The following SCNN1B variants were observed in gnomAD, a reference collection of about 807,000 sequenced individuals.
The protein encoded by SCNN1B is sodium channel epithelial 1 subunit beta.
A neutral mutation model predicts 65.3 loss-of-function variants in SCNN1B; 46 were observed. That is an observed-to-expected ratio of 0.70 (90% CI 0.56 to 0.90). SCNN1B has a LOEUF of 0.90. Ranked by LOEUF, SCNN1B falls within the 40% of genes least tolerant of loss-of-function variation. SCNN1B has a pLI of 0.00. For missense variants in SCNN1B, 751 were observed against 830.5 expected (o/e 0.90, Z 1.18); for synonymous variants, 349 against 330.6 (o/e 1.06, Z -0.60).
At chr16:23,292,291 T>C (rs1460115561) in intron 2 of SCNN1B, among the ~76,000 whole-genome samples, 1 of 151,904 alleles carries the variant, frequency 6.6e-6, no homozygotes, top group African/African-American at 2.4e-5. Context: ...CCTACAGGGT[T>C]CATGCCATTC....
chr16:23,374,889 G>A (rs1336390894), intron 7 of SCNN1B, among the ~76,000 whole-genome samples: 1 of 152,018 alleles, frequency 6.6e-6, no homozygotes. Flanking sequence ...GATAGGCAAT[G>A]AAACACCAAG....
Position 23,380,700 on chromosome 16 carries a change from C to A in SCNN1B, c.1822C>A (p.Gln608Lys), listed in dbSNP as rs774190371. The part of the protein sequence containing the change: ...SPNTGPYPSE[Q>K]ALPIPGTPPP... The stretch of plus-strand genomic sequence containing the variant: ...CAACACTGGGCCCTACCCCAGTGAG[C>A]AGGCCCTGCCCATCCCAGGCACCCC... The change falls in exon 13 of 13, where the codon CAG (glutamine) becomes AAG (lysine). Residue 608 changes from glutamine to lysine, a missense_variant. Transcript: ENST00000343070. The surrounding 1 kb of genome is among the most constrained non-coding windows in gnomAD (Gnocchi z 5.4). 4 of 1,612,080 alleles carry A rather than the reference C, an allele frequency of 2.5e-6. No homozygotes were observed. Among genetic ancestry groups the A allele is most frequent in the Non-Finnish European group, 3.4e-6 (4 of 1,179,262 alleles).
chr16:23,327,700 T>C (rs1291073138), intron 1 of SCNN1B, among the ~76,000 whole-genome samples: 3 of 152,162 alleles, frequency 2.0e-5, no homozygotes, highest in Non-Finnish European at 4.4e-5. Context: ...AGAGAGGATT[T>C]AGCCATCGCA....
chr16:23,373,772 C>T (rs578021213), intron 7 of SCNN1B, among the ~76,000 whole-genome samples: 4 of 152,268 alleles, frequency 2.6e-5, no homozygotes, highest in East Asian at 1.9e-4. Flanking sequence ...GGCCACCTCG[C>T]GTCTGGAGGG....
intron 4 of SCNN1B, among the ~76,000 whole-genome samples, chr16:23,365,434 G>GAAGA (rs1002056316): frequency 2.2e-5 from 3 of 135,870 alleles, no homozygotes; most frequent in East Asian, 2.1e-4. Context: ...AGAAAGGAAG[G>GAAGA]AAGAAAGAAA....
intron 7 of SCNN1B, chr16:23,372,194 A>G (rs1962799557): frequency 2.2e-6 from 1 of 451,366 alleles, no homozygotes; most frequent in Non-Finnish European, 4.1e-6. Flanking sequence ...TCAAGCTTCC[A>G]TTGTGTGTGA....
At position 23,377,094 on chromosome 16, in the gene SCNN1B, G is replaced by C. The variant is rs250570; in HGVS notation, c.1271-71G>C. 0.28 allele frequency: 384,211 copies of C among 1,379,750 alleles called. 54,399 individuals carry two copies. Among genetic ancestry groups the C allele is most frequent in the East Asian group, 0.37 (15,253 of 40,798 alleles). 85.5% of individuals were successfully genotyped at this position (1,379,750 alleles called of 1,614,324 possible). A position where few individuals can be genotyped will look rare whatever the true frequency, so the allele number is the denominator to read the frequency against. On this transcript the variant is annotated intron_variant, in intron 8 of 12. Transcript: ENST00000343070. ...AGGAGAGCAGAGGGGCCAGCCAGAG[G>C]CTCAGCAGGGAACAGGGGCACCTAA...
At chr16:23,320,889 G>C (rs1961573622) in intron 1 of SCNN1B, among the ~76,000 whole-genome samples, 1 of 152,162 alleles carries the variant, frequency 6.6e-6, no homozygotes, top group Middle Eastern at 3.2e-3. Flanking sequence ...GCTGGGCCCA[G>C]AGCCATCTCC....
intron 5 of SCNN1B, among the ~76,000 whole-genome samples, chr16:23,368,225 A>T (rs1962712760): frequency 1.3e-5 from 2 of 152,176 alleles, no homozygotes; most frequent in Admixed American, 1.3e-4. Context: ...ACTTGGAAGC[A>T]GCACAGCTTC....
chr16:23,372,865 C>T (rs778639232), intron 7 of SCNN1B, among the ~76,000 whole-genome samples: 11 of 149,004 alleles, frequency 7.4e-5, no homozygotes, highest in East Asian at 4.1e-4. Flanking sequence ...TTTGGGAGTG[C>T]GAAGCGGGTA....
intron 1 of SCNN1B, among the ~76,000 whole-genome samples, chr16:23,337,921 A>G (rs1596849270): frequency 6.6e-6 from 1 of 152,098 alleles, no homozygotes; most frequent in East Asian, 1.9e-4. Context: ...AATAATAATA[A>G]CAAAAATTAG....
intron 7 of SCNN1B, among the ~76,000 whole-genome samples, chr16:23,373,343 G>T (rs1160017678): frequency 6.6e-6 from 1 of 152,118 alleles, no homozygotes; most frequent in African/African-American, 2.4e-5. Flanking sequence ...GCCCAGGTTG[G>T]TCTTGAACTC....
intron 4 of SCNN1B, among the ~76,000 whole-genome samples, chr16:23,361,163 C>T (rs1260655591): frequency 1.3e-5 from 2 of 152,072 alleles, no homozygotes; most frequent in Non-Finnish European, 2.9e-5. Context: ...CTTCTGACCT[C>T]AGGTTATCTG....
At chr16:23,362,043 T>C (rs1457828135) in intron 4 of SCNN1B, among the ~76,000 whole-genome samples, 1 of 151,982 alleles carries the variant, frequency 6.6e-6, no homozygotes, top group Non-Finnish European at 1.5e-5. Flanking sequence ...TGAAGAATGG[T>C]ATTTAGAAAC....
intron 2 of SCNN1B, 30 bp from the exon 3 acceptor site, chr16:23,352,771 T>A: frequency 6.2e-7 from 1 of 1,613,720 alleles, no homozygotes; most frequent in Non-Finnish European, 8.5e-7. Flanking sequence ...TATGCATTCC[T>A]TCCCCCTAAC....
intron 1 of SCNN1B, among the ~76,000 whole-genome samples, chr16:23,346,729 C>G (rs1384902966): frequency 6.7e-6 from 1 of 149,212 alleles, no homozygotes; most frequent in Non-Finnish European, 1.5e-5. Flanking sequence ...CAGCCTTCCC[C>G]CTTCCCCTCC....
chr16:23,335,313 A>C (rs1961913096), intron 1 of SCNN1B, among the ~76,000 whole-genome samples: 1 of 152,198 alleles, frequency 6.6e-6, no homozygotes, highest in Non-Finnish European at 1.5e-5. Context: ...TTCTTGTGTG[A>C]CCTGGTAGAA....
intron 4 of SCNN1B, among the ~76,000 whole-genome samples, chr16:23,359,804 C>T (rs942413735): frequency 2.0e-5 from 3 of 152,192 alleles, no homozygotes; most frequent in African/African-American, 7.2e-5. Context: ...AAAGTGGGGA[C>T]AGTGAAATAA....
chr16:23,285,198 A>C (rs1960832818), intron 2 of SCNN1B, among the ~76,000 whole-genome samples: 1 of 152,048 alleles, frequency 6.6e-6, no homozygotes, highest in South Asian at 2.1e-4. Context: ...AGAAGTTAAG[A>C]CTCTCACTCT....
Sources: allele counts gnomAD v4.1 joint callset (sites outside exome capture counted in the v4.1 genomes callset), GRCh38; gene constraint gnomAD v4.1.1; non-coding constraint Gnocchi (gnomAD v3.1); transcripts MANE v1.5; gene names NCBI Gene and HGNC (gene_info 2026-07-23, HGNC 2026-07-21).